Variants in PAK5 observed in about 807,000 individuals in gnomAD.
The protein encoded by PAK5 is serine/threonine-protein kinase PAK 5.
Under a neutral mutation model 65.9 loss-of-function variants are expected in PAK5, and 16 were observed. That is an observed-to-expected ratio of 0.24 (90% CI 0.16 to 0.37). The LOEUF (loss-of-function observed/expected upper bound fraction) is 0.37. PAK5 is among the 10% of genes least tolerant of loss of function. PAK5 has a pLI of 1.00. For missense variants in PAK5, 785 were observed against 903.9 expected, an observed-to-expected ratio of 0.87 and a Z score of 1.69; for synonymous variants, 371 against 354.9, an observed-to-expected ratio of 1.05 and a Z score of -0.51.
chr20:9,805,571 CA>C (rs2049221763), intron 1 of PAK5, among the ~76,000 whole-genome samples: 1 of 152,094 alleles, frequency 6.6e-6, no homozygotes, highest in African/African-American at 2.4e-5. Flanking sequence ...ATACATGCTG[CA>C]AATGGATGGA....
chr20:9,813,851 T>C (rs138634198), intron 1 of PAK5, among the ~76,000 whole-genome samples: 248 of 152,332 alleles, frequency 1.6e-3, no homozygotes, highest in Admixed American at 3.7e-3. Context: ...TGGGTGCTTG[T>C]ACAAAGGTGT....
intron 3 of PAK5, among the ~76,000 whole-genome samples, chr20:9,620,369 G>A (rs972601174): frequency 1.1e-4 from 16 of 152,208 alleles, no homozygotes; most frequent in African/African-American, 2.7e-4. Flanking sequence ...GAAGGATTGC[G>A]GAAAGCAGGA....
intron 1 of PAK5, among the ~76,000 whole-genome samples, chr20:9,768,597 A>G (rs1256167200): frequency 6.6e-6 from 1 of 152,136 alleles, no homozygotes; most frequent in African/African-American, 2.4e-5. Context: ...AGCCTGGCCA[A>G]CATGGCATAA....
In PAK5 at chr20:9,725,869, T is replaced by TA. The variant is rs535656018; in HGVS notation, c.-161-14435dup. Among the ~76,000 whole-genome samples the TA allele has an allele frequency of 6.6e-4, 100 of 152,128 alleles. 1 individual carries two copies. The highest frequency in any genetic ancestry group is 2.1e-3 in the African/African-American group (87 of 41,510). ...AAGATTTTCCAAAGTTTGATAATGC[T>TA]AAAAAAAGTATGTGCCATTACAAAT... On this transcript the variant is annotated intron_variant, in intron 1 of 9. Transcript: ENST00000353224.
chr20:9,570,479 T>C (rs2045759766), intron 4 of PAK5, among the ~76,000 whole-genome samples: 1 of 111,282 alleles, frequency 9.0e-6, no homozygotes, highest in Non-Finnish European at 1.7e-5. Flanking sequence ...TGAGTGTGTG[T>C]GTATGATGGA....
intron 7 of PAK5, among the ~76,000 whole-genome samples, chr20:9,546,538 T>C (rs1258061533): frequency 6.6e-6 from 1 of 152,122 alleles, no homozygotes; most frequent in Admixed American, 6.5e-5. Flanking sequence ...TGAAGGGCCA[T>C]AGCATGAGAA....
At chr20:9,685,712 T>G (rs989781579) in intron 2 of PAK5, among the ~76,000 whole-genome samples, 5 of 152,220 alleles carry the variant, frequency 3.3e-5, no homozygotes, top group African/African-American at 1.2e-4. Flanking sequence ...GATAACAGTA[T>G]CTGTATAATT....
chr20:9,777,087 G>A (rs780686750), intron 1 of PAK5, among the ~76,000 whole-genome samples: 5 of 152,302 alleles, frequency 3.3e-5, no homozygotes, highest in African/African-American at 4.8e-5. Context: ...GCCAGCTACC[G>A]TGTCTCATCC....
intron 3 of PAK5, among the ~76,000 whole-genome samples, chr20:9,638,419 T>C (rs2047008887): frequency 6.6e-6 from 1 of 152,228 alleles, no homozygotes; most frequent in Non-Finnish European, 1.5e-5. Flanking sequence ...AGCTAACTTG[T>C]GGCTTCTGGT....
intron 1 of PAK5, among the ~76,000 whole-genome samples, chr20:9,740,550 C>A (rs562220281): frequency 6.6e-6 from 1 of 152,182 alleles, no homozygotes; most frequent in African/African-American, 2.4e-5. Context: ...GACTGAGCAA[C>A]GTATTTGTCC....
intron 2 of PAK5, among the ~76,000 whole-genome samples, chr20:9,680,769 G>A (rs1468274615): frequency 1.3e-5 from 2 of 152,132 alleles, no homozygotes; most frequent in African/African-American, 4.8e-5. Context: ...CCGGAGCAGG[G>A]GTGCTGCCAA....
intron 3 of PAK5, among the ~76,000 whole-genome samples, chr20:9,593,982 C>T (rs555313620): frequency 8.5e-5 from 13 of 152,324 alleles, no homozygotes; most frequent in Admixed American, 5.2e-4. Flanking sequence ...TGAGAGATTC[C>T]GCTTCATCTG....
chr20:9,695,809 A>C (rs74934606), intron 2 of PAK5, among the ~76,000 whole-genome samples: 6,867 of 152,146 alleles, frequency 0.045, 192 homozygotes, highest in Middle Eastern at 0.11. Flanking sequence ...TCTAAAAAAA[A>C]AAATTCAACT....
At chr20:9,540,493 T>G (rs969060508) in intron 9 of PAK5, among the ~76,000 whole-genome samples, 1 of 144,506 alleles carries the variant, frequency 6.9e-6, no homozygotes. Flanking sequence ...CTATCTGGCT[T>G]CTTTCACTCA....
intron 1 of PAK5, among the ~76,000 whole-genome samples, chr20:9,747,863 G>C (rs1343462970): frequency 6.7e-6 from 1 of 150,006 alleles, no homozygotes; most frequent in African/African-American, 2.4e-5. Context: ...AGGAAATAAA[G>C]GGTATTCAAT....
chr20:9,821,511 A>G (rs965838204), intron 1 of PAK5, among the ~76,000 whole-genome samples: 1 of 152,174 alleles, frequency 6.6e-6, no homozygotes, highest in Non-Finnish European at 1.5e-5. Context: ...AATCACTGAT[A>G]TGACCTAACT....
chr20:9,561,741 C>A (rs1176328002), intron 6 of PAK5, among the ~76,000 whole-genome samples: 1 of 152,230 alleles, frequency 6.6e-6, no homozygotes, highest in Non-Finnish European at 1.5e-5. Context: ...CATCAGCTAA[C>A]ACTCAATACC....
At chr20:9,628,959 G>T (rs909845002) in intron 3 of PAK5, among the ~76,000 whole-genome samples, 1 of 152,206 alleles carries the variant, frequency 6.6e-6, no homozygotes, top group African/African-American at 2.4e-5. Context: ...TGCTCCATGT[G>T]ATCTCAGAGC....
chr20:9,623,306 G>A (rs2046797545), intron 3 of PAK5, among the ~76,000 whole-genome samples: 1 of 151,996 alleles, frequency 6.6e-6, no homozygotes. Context: ...CACAGAAAGT[G>A]GAGAATCCAT....
Sources: allele counts gnomAD v4.1 joint callset (sites outside exome capture counted in the v4.1 genomes callset), GRCh38; gene constraint gnomAD v4.1.1; transcripts MANE v1.5; gene names NCBI Gene and HGNC (gene_info 2026-07-23, HGNC 2026-07-21).